Variants in DOCK5 observed in about 807,000 individuals in gnomAD.
DOCK5 encodes dedicator of cytokinesis protein 5.
A neutral mutation model predicts 251.8 loss-of-function variants in DOCK5; 142 were observed. That is an observed-to-expected ratio of 0.56 (90% confidence interval 0.49 to 0.65). The LOEUF (loss-of-function observed/expected upper bound fraction) is 0.65, where lower values mean the gene tolerates loss of function less well. Among genes scored for constraint, DOCK5 ranks in the 30% least tolerant of loss-of-function variants. The pLI is 0.00. For synonymous variants in DOCK5, 842 were observed against 835.5 expected (o/e 1.01, Z -0.13); for missense variants, 2,111 against 2,312.3 (o/e 0.91, Z 1.79).
intron 2 of DOCK5, among the ~76,000 whole-genome samples, chr8:25,260,350 G>GCC (rs1310441804): frequency 4.7e-5 from 7 of 149,490 alleles, no homozygotes; most frequent in African/African-American, 1.8e-4. Flanking sequence ...CTGGGGTGCC[G>GCC]CCCACCCCCG....
chr8:25,279,229 A>G (rs1414060549), intron 5 of DOCK5, among the ~76,000 whole-genome samples: 1 of 152,112 alleles, frequency 6.6e-6, no homozygotes, highest in African/African-American at 2.4e-5. Flanking sequence ...TTCTCCCAAC[A>G]CTGGTTTGAC....
intron 2 of DOCK5, among the ~76,000 whole-genome samples, chr8:25,256,757 A>G (rs967601689): frequency 1.3e-5 from 2 of 152,004 alleles, no homozygotes; most frequent in Non-Finnish European, 2.9e-5. Context: ...GGCCTTAGAT[A>G]ACCAATTTGG....
intron 9 of DOCK5, among the ~76,000 whole-genome samples, chr8:25,301,098 G>T (rs1021068932): frequency 7.2e-5 from 11 of 152,232 alleles, no homozygotes; most frequent in South Asian, 2.1e-4. Context: ...TGGCAATTCG[G>T]ATATGCCAAA....
rs764175983 is a variant in DOCK5 at position 25,292,046 on chromosome 8, G to C, written c.344G>C (p.Arg115Pro). ...TAGAACAACAAGCTCACCCTCTTCC[G>C]CCAGCTGCAGCAGATGACGTACAGC... Reference protein sequence around the residue: ...LYVNNKLTLFRQLQQMTYSLI... With the variant: ...LYVNNKLTLFPQLQQMTYSLI... Residue 115 changes from arginine (R) to proline (P), a missense_variant, in exon 6 of 52, where the codon CGC (arginine) becomes CCC (proline). Around this residue, in one of 3 missense-constraint regions of DOCK5, gnomAD observed 335 missense variants for 324.9 expected, o/e 1.03. Transcript: ENST00000276440. 2 of 1,597,774 alleles carry C rather than the reference G, an allele frequency of 1.3e-6. No homozygotes were observed. The highest frequency in any genetic ancestry group is 1.1e-5 in the South Asian group (1 of 88,048).
In DOCK5 at chr8:25,362,980, T is replaced by C. The variant is rs968405270; in HGVS notation, c.2950-67T>C. 2.5e-6 allele frequency: 3 copies of C among 1,212,980 alleles called. No individual in the cohort carries two copies. In the African/African-American group the frequency reaches 4.5e-5, roughly 18 times the overall value. 75.1% of individuals were successfully genotyped at this position (1,212,980 alleles called of 1,614,324 possible). On this transcript the variant is annotated intron_variant, in intron 28 of 51. Coordinates refer to ENST00000276440, the MANE Select transcript of DOCK5 (RefSeq NM_024940.8). ...TTCTGAGGTTGTGGTTCTGCTTGTA[T>C]ACACGCCAGAATAAAGACTATGAAC... is the stretch of plus-strand genomic sequence containing the variant.
chr8:25,413,380 T>A lies in DOCK5; in HGVS notation c.*2082T>A, dbSNP rs1409005593. 1 of 151,454 alleles carries A rather than the reference T, an allele frequency of 6.6e-6. No individual in the cohort carries two copies. The highest frequency in any genetic ancestry group is 1.5e-5 in the Non-Finnish European group (1 of 67,902). 9.4% of individuals were successfully genotyped at this position (151,454 alleles called of 1,614,324 possible). A position where few individuals can be genotyped will look rare whatever the true frequency, so the allele number is the denominator to read the frequency against. ...TCCTTTGAGGTCTTTTACATGATTA[T>A]TTATGACTAGAGACAAACTTAATAA... is the stretch of plus-strand genomic sequence containing the variant. On this transcript the variant is annotated 3_prime_UTR_variant, in exon 52 of 52. Transcript: ENST00000276440.
At position 25,364,280 on chromosome 8, in the gene DOCK5, A is replaced by T. The variant is rs537176209; in HGVS notation, c.3045-346A>T. Among the ~76,000 whole-genome samples, 5 of 152,332 alleles carry T rather than the reference A, an allele frequency of 3.3e-5. No homozygotes were observed. In the South Asian group the frequency reaches 8.3e-4, roughly 25 times the overall value. On this transcript the variant is annotated intron_variant, in intron 29 of 51. Transcript: ENST00000276440. The stretch of plus-strand genomic sequence containing the variant: ...TCTCTGCTATGTACAGATTAGATTT[A>T]AAAAATTACACCAGAAACCCTAAGC...
chr8:25,391,351 C>T (rs1801257312), intron 42 of DOCK5, among the ~76,000 whole-genome samples: 2 of 152,024 alleles, frequency 1.3e-5, no homozygotes, highest in African/African-American at 4.8e-5. Context: ...TGTGAGCCAC[C>T]ACACCTGGCC....
chr8:25,222,991 A>G (rs1362706829), intron 1 of DOCK5, among the ~76,000 whole-genome samples: 1 of 152,120 alleles, frequency 6.6e-6, no homozygotes, highest in Admixed American at 6.6e-5. Flanking sequence ...AAGTGCTTCC[A>G]TGGAAAGTCC....
chr8:25,287,230 C>G (rs371704112), intron 5 of DOCK5, among the ~76,000 whole-genome samples: 3 of 152,126 alleles, frequency 2.0e-5, no homozygotes, highest in Admixed American at 1.3e-4. Context: ...AGTTCGAGGC[C>G]AGCCTGGCCA....
chr8:25,332,558 T>G, intron 19 of DOCK5, 45 bp from the exon 20 acceptor site: 1 of 1,510,294 alleles, frequency 6.6e-7, no homozygotes, highest in Non-Finnish European at 9.1e-7. Flanking sequence ...GGTGTGGGGC[T>G]GAATGAAAGC....
At chr8:25,259,043 C>CG (rs1182862380) in intron 2 of DOCK5, among the ~76,000 whole-genome samples, 43 of 151,938 alleles carry the variant, frequency 2.8e-4, no homozygotes, top group African/African-American at 9.7e-4. Context: ...TGCTTGAGCC[C>CG]GGGGGGGCGG....
At chr8:25,340,701 G>C (rs1050478739) in intron 22 of DOCK5, among the ~76,000 whole-genome samples, 176 bp from the exon 23 acceptor site, 2 of 152,202 alleles carry the variant, frequency 1.3e-5, no homozygotes, top group African/African-American at 2.4e-5. Context: ...GAGCCTTTCC[G>C]GGTTGAGCGG....
At chr8:25,361,394 G>A (rs1240385434) in intron 28 of DOCK5, among the ~76,000 whole-genome samples, 1 of 152,080 alleles carries the variant, frequency 6.6e-6, no homozygotes, top group African/African-American at 2.4e-5. Flanking sequence ...TGGATCACTG[G>A]AAGTCAGGAG....
intron 45 of DOCK5, 34 bp downstream of exon 45, chr8:25,395,753 C>T (rs1163353159): frequency 1.3e-6 from 2 of 1,597,916 alleles, no homozygotes; most frequent in Non-Finnish European, 8.5e-7. Context: ...TAGGGATTCA[C>T]AGACCTGGGT....
chr8:25,391,828 G>C lies in DOCK5; in HGVS notation c.4356-68G>C, dbSNP rs1007550299. 19 of 1,445,436 alleles carry C rather than the reference G, an allele frequency of 1.3e-5. No individual in the cohort carries two copies. The East Asian group carries it at 4.3e-4, about 32-fold the overall frequency. 89.5% of individuals were successfully genotyped at this position (1,445,436 alleles called of 1,614,324 possible). ...ACCAGGCAGATGTGTTATAGGTTTT[G>C]TTGAAGTCAAGTCAAGCAGTGGTTG... On this transcript the variant is annotated intron_variant, in intron 42 of 51. Transcript: ENST00000276440.
At chr8:25,196,091 A>C (rs1801717393) in intron 1 of DOCK5, among the ~76,000 whole-genome samples, 1 of 152,264 alleles carries the variant, frequency 6.6e-6, no homozygotes, top group South Asian at 2.1e-4. Context: ...AAACTGCATA[A>C]GCAAAAGATT....
intron 40 of DOCK5, 71 bp downstream of exon 40, chr8:25,382,849 C>A: frequency 7.7e-7 from 1 of 1,300,140 alleles, no homozygotes; most frequent in Non-Finnish European, 1.1e-6. Context: ...TCCAGATGGG[C>A]AACAGGGTGT....
intron 1 of DOCK5, among the ~76,000 whole-genome samples, chr8:25,216,071 T>G (rs1008435186): frequency 9.9e-5 from 15 of 151,718 alleles, no homozygotes; most frequent in African/African-American, 1.5e-4. Flanking sequence ...AATATGTCTA[T>G]ACGTGTATAC....
Sources: allele counts gnomAD v4.1 joint callset (sites outside exome capture counted in the v4.1 genomes callset), GRCh38; gene constraint gnomAD v4.1.1; regional missense constraint gnomAD v4.1.1; transcripts MANE v1.5; gene names NCBI Gene and HGNC (gene_info 2026-07-23, HGNC 2026-07-21).